Variants in GAN observed in about 807,000 individuals in gnomAD.
GAN encodes the protein epididymis secretory sperm binding protein.
GAN carries 48 observed loss-of-function variants against 71.3 expected under a neutral mutation model. The ratio of observed to expected loss-of-function variants is 0.67; its 90% CI spans 0.53 to 0.86. The LOEUF (loss-of-function observed/expected upper bound fraction) is 0.86, where lower values mean the gene tolerates loss of function less well. Ranked by LOEUF, GAN falls within the 40% of genes least tolerant of loss-of-function variation. The probability of loss-of-function intolerance (pLI) is 0.00; values close to 1 mark genes in which losing one functional copy is unlikely to be tolerated. For missense variants in GAN, 928 were observed against 770.1 expected, an observed-to-expected ratio of 1.21 and a Z score of -2.43; for synonymous variants, 386 against 276.8, an observed-to-expected ratio of 1.39 and a Z score of -3.92.
chr16:81,365,785 C>T (rs1910836979), intron 9 of GAN, among the ~76,000 whole-genome samples: 1 of 151,910 alleles, frequency 6.6e-6, no homozygotes, highest in Non-Finnish European at 1.5e-5. Flanking sequence ...CATGGTGGCT[C>T]ACACCTGTAG....
intron 5 of GAN, among the ~76,000 whole-genome samples, chr16:81,358,353 AC>A (rs1910560082): frequency 6.6e-6 from 1 of 152,142 alleles, no homozygotes. Flanking sequence ...GGTGGCTCAC[AC>A]CTGTAATCCC....
chr16:81,319,416 A>G (rs75664532), intron 1 of GAN, among the ~76,000 whole-genome samples: 3,006 of 152,008 alleles, frequency 0.02, 32 homozygotes, highest in Non-Finnish European at 0.024. Flanking sequence ...GCACAGTCCC[A>G]TTGATCTGAT....
chr16:81,323,391 A>T (rs907161249), intron 1 of GAN, among the ~76,000 whole-genome samples: 4 of 152,094 alleles, frequency 2.6e-5, no homozygotes, highest in Non-Finnish European at 1.5e-5. Flanking sequence ...AGAGGTTACC[A>T]TTTCCTTTAT....
At chr16:81,351,848 G>GCACCC in intron 2 of GAN, 151 bp downstream of exon 2, 2 of 698,664 alleles carry the variant, frequency 2.9e-6, no homozygotes, top group South Asian at 3.0e-5. Context: ...ACTGGTAATG[G>GCACCC]CACCCCATGT....
chr16:81,355,097 C>T (rs1564116), intron 3 of GAN, among the ~76,000 whole-genome samples: 62,517 of 152,012 alleles, frequency 0.41, 13,508 homozygotes, highest in Middle Eastern at 0.52. Flanking sequence ...CCTACTATAT[C>T]ACTAGGCTAA....
At chr16:81,319,206 TTATA>T (rs57681055) in intron 1 of GAN, among the ~76,000 whole-genome samples, 6 of 138,798 alleles carry the variant, frequency 4.3e-5, no homozygotes, top group African/African-American at 1.3e-4. Context: ...TAGATATAGA[TTATA>T]TATATATATA....
intron 1 of GAN, among the ~76,000 whole-genome samples, chr16:81,349,507 G>T (rs891611862): frequency 6.6e-6 from 1 of 152,080 alleles, no homozygotes; most frequent in Non-Finnish European, 1.5e-5. Context: ...AGCTGGGTGT[G>T]GTGGTGTGAG....
At chr16:81,373,211 G>C (rs1159547432) in intron 9 of GAN, among the ~76,000 whole-genome samples, 1 of 152,250 alleles carries the variant, frequency 6.6e-6, no homozygotes, top group Admixed American at 6.5e-5. Flanking sequence ...TCACAGCATA[G>C]AGTAGGGATG....
At position 81,379,811 on chromosome 16, in the gene GAN, C is replaced by G. The variant is rs1012429457; in HGVS notation, c.*2215C>G. The G allele has an allele frequency of 2.2e-4, 33 of 152,124 alleles. No individual in the cohort carries two copies. Among genetic ancestry groups the G allele is most frequent in the African/African-American group, 7.5e-4 (31 of 41,424 alleles). The allele number at this position is 152,124 out of a possible 1,614,324, so 9.4% of individuals were successfully genotyped here. A position where few individuals can be genotyped will look rare whatever the true frequency, so the allele number is the denominator to read the frequency against. On this transcript the variant is annotated 3_prime_UTR_variant, in exon 11 of 11. Coordinates refer to ENST00000648994, the MANE Select transcript of GAN (RefSeq NM_022041.4). ...TTTAAAGTTTTTTTTCCAGTCTACA[C>G]CAGGCCTCTCCAAGGAGACAGTTCA... is the stretch of plus-strand genomic sequence containing the variant.
chr16:81,337,327 C>T (rs1251389996), intron 1 of GAN, among the ~76,000 whole-genome samples: 1 of 152,182 alleles, frequency 6.6e-6, no homozygotes, highest in African/African-American at 2.4e-5. Context: ...GAATCACCCC[C>T]AAATTTCTGC....
Position 81,388,455 on chromosome 16 carries a change from C to T in GAN, c.*10859C>T, listed in dbSNP as rs1378622685. 2 of 152,416 alleles carry T rather than the reference C, an allele frequency of 1.3e-5. No individual in the cohort carries two copies. The highest frequency in any genetic ancestry group is 2.9e-5 in the Non-Finnish European group (2 of 68,204). 9.4% of individuals were successfully genotyped at this position (152,416 alleles called of 1,614,324 possible). The stretch of plus-strand genomic sequence containing the variant: ...AAGGCTCCAGGTCAGAACTTGGACC[C>T]AGGTGCCTTCTGAGGCACCGCCAAG... On this transcript the variant is annotated 3_prime_UTR_variant, in exon 11 of 11. Coordinates refer to ENST00000648994, the MANE Select transcript of GAN (RefSeq NM_022041.4).
In GAN at chr16:81,351,844, A is replaced by G. The variant is rs1910310759; in HGVS notation, c.282+147A>G. On this transcript the variant is annotated intron_variant, in intron 2 of 10. Transcript: ENST00000648994. The stretch of plus-strand genomic sequence containing the variant: ...GCATTGACTGACATTTCCTACTGGT[A>G]ATGGCACCCCATGTGTGTTCTTCCA... 3 of 702,784 alleles carry G rather than the reference A, an allele frequency of 4.3e-6. No homozygotes were observed. The South Asian group carries it at 4.5e-5, about 10-fold the overall frequency. The allele number at this position is 702,784 out of a possible 1,614,324, so 43.5% of individuals were successfully genotyped here.
chr16:81,360,039 ATGGATGGATGGATGGATGGATG>A (rs1442097403), intron 5 of GAN, among the ~76,000 whole-genome samples: 11 of 134,984 alleles, frequency 8.1e-5, no homozygotes, highest in Admixed American at 4.6e-4. Flanking sequence ...GGATGGATGG[ATGGATGGATGGATGGATGGATG>A]GATGGATAGA....
Position 81,380,706 on chromosome 16 carries a change from C to G in GAN, c.*3110C>G, listed in dbSNP as rs1904300551. On this transcript the variant is annotated 3_prime_UTR_variant, in exon 11 of 11. Transcript: ENST00000648994. ...GCCTGTTGACCTTCAGTTTATACTACTGTGTCGAACTCATATTGAGTGTAA... is the reference window on the plus strand; with the variant it reads ...GCCTGTTGACCTTCAGTTTATACTAGTGTGTCGAACTCATATTGAGTGTAA... The G allele has an allele frequency of 6.6e-6, 1 of 152,174 alleles. No homozygotes were observed. Among genetic ancestry groups the G allele is most frequent in the Non-Finnish European group, 1.5e-5 (1 of 68,042 alleles). 9.4% of individuals were successfully genotyped at this position (152,174 alleles called of 1,614,324 possible).
At chr16:81,331,849 C>G (rs1909588543) in intron 1 of GAN, among the ~76,000 whole-genome samples, 1 of 152,186 alleles carries the variant, frequency 6.6e-6, no homozygotes, top group Non-Finnish European at 1.5e-5. Context: ...AAAGAGAAGG[C>G]TGGGACATAC....
At chr16:81,369,575 C>G (rs1030186145) in intron 9 of GAN, among the ~76,000 whole-genome samples, 6 of 152,164 alleles carry the variant, frequency 3.9e-5, no homozygotes, top group Admixed American at 3.3e-4. Context: ...GGGTAGAATT[C>G]TACATTACTC....
chr16:81,374,459 T>C (rs1904275464), intron 9 of GAN, among the ~76,000 whole-genome samples: 2 of 152,364 alleles, frequency 1.3e-5, no homozygotes, highest in South Asian at 4.1e-4. Flanking sequence ...GGTGTTTGCC[T>C]GATGATGATT....
intron 1 of GAN, among the ~76,000 whole-genome samples, chr16:81,320,410 T>C (rs1367243796): frequency 6.6e-6 from 1 of 152,240 alleles, no homozygotes; most frequent in Non-Finnish European, 1.5e-5. Context: ...GATTCTTTGC[T>C]TCCCTGTTAA....
At chr16:81,335,662 G>T (rs1213502445) in intron 1 of GAN, among the ~76,000 whole-genome samples, 1 of 147,318 alleles carries the variant, frequency 6.8e-6, no homozygotes, top group Non-Finnish European at 1.5e-5. Context: ...CAGGAGAATC[G>T]CTTGAACTCG....
Sources: allele counts gnomAD v4.1 joint callset (sites outside exome capture counted in the v4.1 genomes callset), GRCh38; gene constraint gnomAD v4.1.1; transcripts MANE v1.5; gene names NCBI Gene and HGNC (gene_info 2026-07-23, HGNC 2026-07-21).